LEF1: variants seen among roughly 807,000 people sequenced by gnomAD.
LEF1 encodes the protein lymphoid enhancer binding factor 1.
Under a neutral mutation model 51.2 loss-of-function variants are expected in LEF1, and 14 were observed. The observed-to-expected ratio is 0.27, with a 90% CI of 0.18 to 0.43. LEF1 has a LOEUF of 0.43. Among genes scored for constraint, LEF1 ranks in the 20% least tolerant of loss-of-function variants. The pLI, the probability that LEF1 is intolerant of heterozygous loss-of-function variation, is 1.00. For synonymous variants in LEF1, 185 were observed against 183.2 expected, an observed-to-expected ratio of 1.01 and a Z score of -0.08; for missense variants, 386 against 512.0, an observed-to-expected ratio of 0.75 and a Z score of 2.37.
intron 3 of LEF1, among the ~76,000 whole-genome samples, chr4:108,139,125 A>G (rs1472507246): frequency 6.6e-6 from 1 of 152,244 alleles, no homozygotes; most frequent in African/African-American, 2.4e-5. Flanking sequence ...CCTATAGAAC[A>G]TACTGCTAAG....
intron 3 of LEF1, among the ~76,000 whole-genome samples, chr4:108,154,945 T>C (rs1222420513): frequency 1.3e-5 from 2 of 152,074 alleles, no homozygotes; most frequent in Non-Finnish European, 2.9e-5. Context: ...AACATTGATT[T>C]CTCCTTGCTG....
In LEF1 at chr4:108,078,388, AGGTGGT is replaced by A. The variant is rs112396438; in HGVS notation, c.846-12_846-7del. The A allele has an allele frequency of 6.2e-7, 1 of 1,613,680 alleles. No individual in the cohort carries two copies. The highest frequency in any genetic ancestry group is 8.5e-7 in the Non-Finnish European group (1 of 1,179,770). On this transcript the variant is annotated splice_region_variant and splice_polypyrimidine_tract_variant and intron_variant, in intron 7 of 11. Transcript: ENST00000265165. ...TCTGTTCATGCTGAGGCTTCCTAAA[AGGTGGT>A]GGTGGTGGTGGTTAGGGGAAGGGGT...
chr4:108,075,694 G>A (rs964700323), intron 8 of LEF1, among the ~76,000 whole-genome samples: 1 of 152,236 alleles, frequency 6.6e-6, no homozygotes, highest in African/African-American at 2.4e-5. Context: ...GTACTTGGAA[G>A]GACTGACTAT....
chr4:108,161,760 T>C (rs1168716976), intron 3 of LEF1, among the ~76,000 whole-genome samples: 1 of 152,196 alleles, frequency 6.6e-6, no homozygotes, highest in African/African-American at 2.4e-5. Context: ...GCTGATCTTT[T>C]TAAGAAATAA....
chr4:108,105,808 G>A (rs1560793685), intron 3 of LEF1, among the ~76,000 whole-genome samples: 1 of 152,142 alleles, frequency 6.6e-6, no homozygotes, highest in Non-Finnish European at 1.5e-5. Context: ...TGACTCCTGG[G>A]CTTGAGATGA....
At chr4:108,105,369 C>G (rs557861355) in intron 3 of LEF1, among the ~76,000 whole-genome samples, 1 of 151,802 alleles carries the variant, frequency 6.6e-6, no homozygotes, top group Admixed American at 6.6e-5. Context: ...TTAGTAGAGA[C>G]GGAGTTTCAC....
chr4:108,098,816 T>G (rs1740557981), intron 3 of LEF1, among the ~76,000 whole-genome samples: 2 of 152,232 alleles, frequency 1.3e-5, no homozygotes. Flanking sequence ...GTTACTTGGG[T>G]TCAGCTACTA....
chr4:108,065,259 A>G (rs61605115), intron 9 of LEF1, among the ~76,000 whole-genome samples: 22,477 of 152,120 alleles, frequency 0.15, 2,823 homozygotes, highest in African/African-American at 0.35. Flanking sequence ...AGCCGAGGTG[A>G]GCAGATCACG....
chr4:108,064,969 A>G (rs1737971662), intron 9 of LEF1, among the ~76,000 whole-genome samples: 1 of 152,122 alleles, frequency 6.6e-6, no homozygotes, highest in South Asian at 2.1e-4. Flanking sequence ...CGACAAAACC[A>G]AGGAGAAAGG....
chr4:108,133,761 T>C (rs917884749), intron 3 of LEF1, among the ~76,000 whole-genome samples: 1 of 152,212 alleles, frequency 6.6e-6, no homozygotes, highest in African/African-American at 2.4e-5. Context: ...GATAACATCC[T>C]TAATAGATGG....
At chr4:108,092,940 A>AC (rs1415782422) in intron 3 of LEF1, among the ~76,000 whole-genome samples, 2,589 of 49,524 alleles carry the variant, frequency 0.052, 71 homozygotes, top group Middle Eastern at 0.19. Context: ...AAAAAAAAAA[A>AC]AAAAAAAAAG....
chr4:108,073,812 G>C (rs909159377), intron 8 of LEF1, among the ~76,000 whole-genome samples: 17 of 131,480 alleles, frequency 1.3e-4, no homozygotes, highest in African/African-American at 4.2e-4. Flanking sequence ...ATTGCTTTAA[G>C]TCCTCTGATA....
rs55839332 is a variant in LEF1 at position 108,115,846 on chromosome 4, T to TACACACACACACACACACACAC, written c.415-26611_415-26590dup. Among the ~76,000 whole-genome samples, 349 of 139,360 alleles carry TACACACACACACACACACACAC rather than the reference T, an allele frequency of 2.5e-3. 6 individuals carry two copies. The highest frequency in any genetic ancestry group is 8.5e-3 in the African/African-American group (313 of 36,762). The allele number at this position is 139,360 out of a possible 152,430, so 91.4% of individuals were successfully genotyped here. ...AAAGGTCTGCCTATAATGTAACACA[T>TACACACACACACACACACACAC]ACACACACACACACACACACACACA... is the stretch of plus-strand genomic sequence containing the variant. On this transcript the variant is annotated intron_variant, in intron 3 of 11. Transcript: ENST00000265165.
chr4:108,125,238 A>G (rs1353772738), intron 3 of LEF1, among the ~76,000 whole-genome samples: 1 of 152,076 alleles, frequency 6.6e-6, no homozygotes. Flanking sequence ...ATCTCAGCTC[A>G]CTACAATCTC....
chr4:108,162,868 C>T (rs964252185), intron 3 of LEF1, among the ~76,000 whole-genome samples: 2 of 152,122 alleles, frequency 1.3e-5, no homozygotes, highest in Non-Finnish European at 2.9e-5. Context: ...GAGGTTTCCA[C>T]TTCCTAAGAG....
intron 3 of LEF1, among the ~76,000 whole-genome samples, chr4:108,103,347 T>C (rs546102617): frequency 4.9e-4 from 75 of 152,360 alleles, no homozygotes; most frequent in African/African-American, 1.8e-3. Flanking sequence ...ATAAATGGGA[T>C]GTCAAGAAAG....
intron 5 of LEF1, among the ~76,000 whole-genome samples, chr4:108,082,841 A>C (rs1433189217): frequency 1.3e-5 from 2 of 152,218 alleles, no homozygotes; most frequent in East Asian, 3.8e-4. Context: ...AAGGCCCCCA[A>C]ATCAGTTTTT....
At chr4:108,052,635 G>GT (rs1398894504) in intron 11 of LEF1, among the ~76,000 whole-genome samples, 3 of 152,184 alleles carry the variant, frequency 2.0e-5, no homozygotes, top group African/African-American at 7.2e-5. Context: ...GGAAGCAAGC[G>GT]TGACAGAGCT....
chr4:108,115,112 C>T, intron 3 of LEF1, among the ~76,000 whole-genome samples: 1 of 152,200 alleles, frequency 6.6e-6, no homozygotes, highest in East Asian at 1.9e-4. Flanking sequence ...GATCTATGTC[C>T]ACATATAATT....
Sources: gnomAD v4.1 joint callset for allele counts (sites outside exome capture counted in the v4.1 genomes callset) on GRCh38, gnomAD v4.1.1 for gene constraint, MANE v1.5 for transcripts, NCBI Gene and HGNC (gene_info 2026-07-23, HGNC 2026-07-21) for gene names.